EPB41L1: variants seen among roughly 807,000 people sequenced by gnomAD.
EPB41L1 encodes the protein erythrocyte membrane protein band 4.1 like 1.
A neutral mutation model predicts 97.8 loss-of-function variants in EPB41L1; 29 were observed. The observed-to-expected ratio is 0.30, with a 90% CI of 0.22 to 0.40. The LOEUF is 0.40. Ranked by LOEUF, EPB41L1 falls within the 10% of genes least tolerant of loss-of-function variation. The pLI is 1.00. For synonymous variants in EPB41L1, 383 were observed against 459.2 expected (o/e 0.83, Z 2.12); for missense variants, 812 against 1,162.3 (o/e 0.70, Z 4.38).
intron 1 of EPB41L1, among the ~76,000 whole-genome samples, chr20:36,104,385 TGCAGAAGGGGCATA>T (rs2058121390): frequency 6.6e-6 from 1 of 152,212 alleles, no homozygotes; most frequent in African/African-American, 2.4e-5. Context: ...AGAATTTCCC[TGCAGAAGGGGCATA>T]GGGTCGGCAC....
chr20:36,223,423 G>A (rs1480031932), intron 21 of EPB41L1, among the ~76,000 whole-genome samples: 1 of 152,136 alleles, frequency 6.6e-6, no homozygotes, highest in Non-Finnish European at 1.5e-5. Context: ...TCAATGCTTT[G>A]GTGAATAAGA....
intron 5 of EPB41L1, among the ~76,000 whole-genome samples, chr20:36,179,082 GAA>G (rs796316378): frequency 2.5e-5 from 2 of 79,588 alleles, no homozygotes; most frequent in Admixed American, 1.3e-4. Flanking sequence ...CTCGAAAAAA[GAA>G]AAAAAAAAAA....
In EPB41L1 at chr20:36,207,010, C is replaced by T. The variant is rs529062324; in HGVS notation, c.1669-2478C>T. The stretch of plus-strand genomic sequence containing the variant: ...CCCACCCAAAGAGAGGGGAGTGGTT[C>T]CCACCCAGAAAGGAGGGGCTGAGCT... On this transcript the variant is annotated intron_variant, in intron 14 of 21. Coordinates refer to ENST00000338074, the MANE Select transcript of EPB41L1 (RefSeq NM_012156.2). The surrounding 1 kb of genome is among the most constrained non-coding windows in gnomAD (Gnocchi z 4.9). 1 of 1,289,914 alleles carries T rather than the reference C, an allele frequency of 7.8e-7. No individual in the cohort carries two copies. The allele number at this position is 1,289,914 out of a possible 1,614,324, so 79.9% of individuals were successfully genotyped here.
chr20:36,133,941 AT>A (rs1483520281), intron 2 of EPB41L1, among the ~76,000 whole-genome samples: 1 of 151,916 alleles, frequency 6.6e-6, no homozygotes, highest in Non-Finnish European at 1.5e-5. Flanking sequence ...TATTTTTCTC[AT>A]TCTATACTTG....
chr20:36,165,012 C>T (rs923601613), intron 1 of EPB41L1, among the ~76,000 whole-genome samples: 48 of 149,670 alleles, frequency 3.2e-4, no homozygotes, highest in African/African-American at 1.1e-3. Flanking sequence ...GACAGAATCT[C>T]GTTCTGTCAC....
At position 36,221,952 on chromosome 20, in the gene EPB41L1, G is replaced by T. The variant is rs913381110; in HGVS notation, c.2520+8G>T. 6.2e-7 allele frequency: 1 copy of T among 1,614,016 alleles called. No homozygotes were observed. Among genetic ancestry groups the T allele is most frequent in the East Asian group, 2.2e-5 (1 of 44,876 alleles). Reference sequence around the variant, plus strand: ...GATGTCGATCAAGACCAGGTATGGGGGTAGCAACCGTTCTTCCCAGTGCCA... The same window carrying T: ...GATGTCGATCAAGACCAGGTATGGGTGTAGCAACCGTTCTTCCCAGTGCCA... On this transcript the variant is annotated splice_region_variant and intron_variant, in intron 20 of 21. Transcript: ENST00000338074.
chr20:36,209,404 C>CT lies in EPB41L1; in HGVS notation c.1669-83dup. On this transcript the variant is annotated intron_variant, in intron 14 of 21. Transcript: ENST00000338074. This position sits in a 1 kb window ranked among gnomAD's most constrained non-coding sequence, Gnocchi z 4.2. Reference sequence around the variant, plus strand: ...GGATGTCGACACAGCCCCGAGATTTCTCCTGACATTCACCATCTTGATTTC... The same window carrying CT: ...GGATGTCGACACAGCCCCGAGATTTCTTCCTGACATTCACCATCTTGATTTC... 4 of 1,422,568 alleles carry CT rather than the reference C, an allele frequency of 2.8e-6. No homozygotes were observed. The highest frequency in any genetic ancestry group is 3.8e-6 in the Non-Finnish European group (4 of 1,053,004). The allele number at this position is 1,422,568 out of a possible 1,614,324, so 88.1% of individuals were successfully genotyped here.
At chr20:36,228,662 G>C (rs2064326168) in intron 21 of EPB41L1, among the ~76,000 whole-genome samples, 1 of 152,156 alleles carries the variant, frequency 6.6e-6, no homozygotes, top group South Asian at 2.1e-4. Context: ...TTGAACTCAG[G>C]GAGTCTGATT....
chr20:36,198,499 CG>C (rs1286837489), intron 14 of EPB41L1, among the ~76,000 whole-genome samples: 2 of 152,198 alleles, frequency 1.3e-5, no homozygotes, highest in African/African-American at 4.8e-5. Flanking sequence ...TGTGAAAACA[CG>C]GATCGGGGAG....
rs115036336 is a variant in EPB41L1 at position 36,112,430 on chromosome 20, C to T, written c.-60C>T. 1,481 of 152,496 alleles carry T rather than the reference C, an allele frequency of 9.7e-3. 24 individuals carry two copies. Among genetic ancestry groups the T allele is most frequent in the African/African-American group, 0.034 (1,413 of 41,556 alleles). 9.4% of individuals were successfully genotyped at this position (152,496 alleles called of 1,614,324 possible). A position where few individuals can be genotyped will look rare whatever the true frequency, so the allele number is the denominator to read the frequency against. ...AACGCTGTTTCCTCCCTCTAGGTGC[C>T]TGACTGACAGAAGTTCTTGCCCCCG... On this transcript the variant is annotated 5_prime_UTR_variant, in exon 2 of 20. Coordinates refer to the EPB41L1 transcript ENST00000202028.
rs1456726625 is a variant in EPB41L1 at position 36,231,157 on chromosome 20, T to C, written c.*1817T>C. ...TGAACTCTGAGCTTGTGCCCAGAAA[T>C]TACCCCAAGACCACAGGAACCCTTC... On this transcript the variant is annotated 3_prime_UTR_variant, in exon 22 of 22. Coordinates refer to ENST00000338074, the MANE Select transcript of EPB41L1 (RefSeq NM_012156.2). 1 of 152,200 alleles carries C rather than the reference T, an allele frequency of 6.6e-6. No homozygotes were observed. The highest frequency in any genetic ancestry group is 1.5e-5 in the Non-Finnish European group (1 of 68,050). The allele number at this position is 152,200 out of a possible 1,614,324, so 9.4% of individuals were successfully genotyped here. A position where few individuals can be genotyped will look rare whatever the true frequency, so the allele number is the denominator to read the frequency against.
At chr20:36,186,156 A>G (rs2061675806) in intron 7 of EPB41L1, among the ~76,000 whole-genome samples, 1 of 152,090 alleles carries the variant, frequency 6.6e-6, no homozygotes, top group Non-Finnish European at 1.5e-5. Context: ...CCTTGTAACA[A>G]CCCAGATACT....
Position 36,209,896 on chromosome 20 carries a change from G to C in EPB41L1, c.2077G>C (p.Glu693Gln). ...ACSTPDMPQF[E>Q]PVKTETMTVS... ...CTCCACCCCGGATATGCCCCAGTTT[G>C]AGGTACAGTGGAGCTTCCTCAAGAG... is the stretch of plus-strand genomic sequence containing the variant. Residue 693 changes from glutamate to glutamine, a missense_variant and splice_region_variant, in exon 15 of 22, where the codon GAG becomes CAG. By Grantham distance (29) the Glu-to-Gln change is conservative (BLOSUM62 2). This residue lies in a region of EPB41L1 where 498 missense variants were observed against 622.7 expected (regional missense o/e 0.80). Transcript: ENST00000338074. This position sits in a 1 kb window ranked among gnomAD's most constrained non-coding sequence, Gnocchi z 4.2. 2 of 1,613,152 alleles carry C rather than the reference G, an allele frequency of 1.2e-6. No individual in the cohort carries two copies. Among genetic ancestry groups the C allele is most frequent in the Non-Finnish European group, 1.7e-6 (2 of 1,179,964 alleles).
intron 7 of EPB41L1, 91 bp downstream of exon 7, chr20:36,185,426 T>C (rs1408060787): frequency 2.4e-5 from 30 of 1,261,050 alleles, no homozygotes; most frequent in Non-Finnish European, 3.3e-5. Context: ...CCACATACTG[T>C]GCTGTTTGTA....
upstream of EPB41L1, among the ~76,000 whole-genome samples, chr20:36,154,316 C>T (rs554654078): frequency 1.3e-5 from 2 of 152,272 alleles, no homozygotes; most frequent in African/African-American, 4.8e-5. The surrounding 1 kb of genome is among the most constrained non-coding windows in gnomAD (Gnocchi z 5.5). Context: ...TCTCTCCTCC[C>T]CCTCCCTTTC....
chr20:36,205,809 A>G, intron 14 of EPB41L1: 4 of 1,257,708 alleles, frequency 3.2e-6, no homozygotes, highest in Non-Finnish European at 4.1e-6. Flanking sequence ...CAGGTACCTG[A>G]TATTTCATGT....
rs1197199818 is a variant in EPB41L1, at chr20:36,190,355, G to A, written c.1105G>A (p.Glu369Lys). The A allele has an allele frequency of 6.2e-7, 1 of 1,614,096 alleles. No homozygotes were observed. Among genetic ancestry groups the A allele is most frequent in the Non-Finnish European group, 8.5e-7 (1 of 1,180,024 alleles). Residue 369 changes from glutamate (E) to lysine (K), a missense_variant, in exon 10 of 22, where the codon GAG becomes AAG. This residue lies in a region of EPB41L1 where 230 missense variants were observed against 445.2 expected (regional missense o/e 0.52). Transcript: ENST00000338074. The surrounding 1 kb of genome is among the most constrained non-coding windows in gnomAD (Gnocchi z 5.8). ...CAAGAGACTGTGGAAGGTCTGCATC[G>A]AGCATCATACATTCTTCCGGTGAGC... ...SAKRLWKVCI[E>K]HHTFFRLVSP...
Position 36,190,512 on chromosome 20 carries a change from G to T in EPB41L1, c.1125-110G>T. On this transcript the variant is annotated intron_variant, in intron 10 of 21. Coordinates refer to ENST00000338074, the MANE Select transcript of EPB41L1 (RefSeq NM_012156.2). The surrounding 1 kb of genome is among the most constrained non-coding windows in gnomAD (Gnocchi z 5.8). ...AGTCCCTCCCTTCCTGGACCACTTT[G>T]AATTGTTGTAGTTGGTGGAGTAGTG... is the stretch of plus-strand genomic sequence containing the variant. 1 of 1,554,730 alleles carries T rather than the reference G, an allele frequency of 6.4e-7. No homozygotes were observed. The highest frequency in any genetic ancestry group is 1.7e-5 in the Admixed American group (1 of 58,522).
At chr20:36,114,421 C>T (rs571717657) in intron 2 of EPB41L1, among the ~76,000 whole-genome samples, 1 of 152,220 alleles carries the variant, frequency 6.6e-6, no homozygotes, top group East Asian at 1.9e-4. Context: ...GCTTTGAAAA[C>T]TGCCCACTGC....
Sources: allele counts gnomAD v4.1 joint callset (sites outside exome capture counted in the v4.1 genomes callset), GRCh38; gene constraint gnomAD v4.1.1; regional missense constraint gnomAD v4.1.1; non-coding constraint Gnocchi (gnomAD v3.1); transcripts MANE v1.5; gene names NCBI Gene and HGNC (gene_info 2026-07-23, HGNC 2026-07-21).